RPS6KC1: variants seen among roughly 807,000 people sequenced by gnomAD.
RPS6KC1 encodes the protein ribosomal protein S6 kinase C1, also known as inactive ribosomal protein S6 kinase delta-1.
RPS6KC1 carries 54 observed loss-of-function variants against 103.8 expected under a neutral mutation model. The observed-to-expected ratio is 0.52, with a 90% CI of 0.42 to 0.65. The LOEUF is 0.65. Ranked by LOEUF, RPS6KC1 falls within the 30% of genes least tolerant of loss-of-function variation. The pLI is 0.00. For missense variants in RPS6KC1, 1,151 were observed against 1,253.8 expected (o/e 0.92, Z 1.24); for synonymous variants, 439 against 438.7 (o/e 1.00, Z -0.01).
chr1:213,267,857 CTTAAA>C (rs887046858), intron 14 of RPS6KC1, among the ~76,000 whole-genome samples: 4 of 151,170 alleles, frequency 2.6e-5, no homozygotes, highest in African/African-American at 7.3e-5. Context: ...AATAAATGAA[CTTAAA>C]TTAATAGAAA....
At chr1:213,818,301 G>C in the RPS6KC1 span, 1 of 152,234 alleles carries the variant, frequency 6.6e-6, no homozygotes, top group Non-Finnish European at 1.5e-5. Flanking sequence ...AGCTAGGCAG[G>C]CCTCTTGTGC....
the RPS6KC1 span, among the ~76,000 whole-genome samples, chr1:213,447,497 A>G: frequency 6.6e-6 from 1 of 152,252 alleles, no homozygotes; most frequent in Non-Finnish European, 1.5e-5. Context: ...AATATTTTTA[A>G]GCGGACATTT....
chr1:213,152,224 G>T (rs574726608), intron 6 of RPS6KC1, among the ~76,000 whole-genome samples: 2 of 145,166 alleles, frequency 1.4e-5, no homozygotes, highest in African/African-American at 2.6e-5. Flanking sequence ...CTGGCCGGGC[G>T]GGGGGCTGAT....
the RPS6KC1 span, among the ~76,000 whole-genome samples, chr1:213,409,403 T>C: frequency 6.6e-6 from 1 of 151,972 alleles, no homozygotes; most frequent in African/African-American, 2.4e-5. Flanking sequence ...GGCTCTGTTT[T>C]AGTTGGTTTT....
At chr1:213,370,658 C>T in the RPS6KC1 span, among the ~76,000 whole-genome samples, 6 of 152,286 alleles carry the variant, frequency 3.9e-5, no homozygotes, top group African/African-American at 1.2e-4. Flanking sequence ...TGTTATTAGT[C>T]CCATTCAATA....
the RPS6KC1 span, among the ~76,000 whole-genome samples, chr1:213,713,765 C>T: frequency 6.6e-6 from 1 of 152,168 alleles, no homozygotes; most frequent in Non-Finnish European, 1.5e-5. Context: ...CTGAACCAAG[C>T]AGATGCAGAA....
chr1:213,494,669 G>A, the RPS6KC1 span, among the ~76,000 whole-genome samples: 1 of 152,006 alleles, frequency 6.6e-6, no homozygotes, highest in Non-Finnish European at 1.5e-5. Flanking sequence ...TGGATAACAG[G>A]ATAACAGAGA....
chr1:213,660,930 TC>T, the RPS6KC1 span, among the ~76,000 whole-genome samples: 1 of 152,316 alleles, frequency 6.6e-6, no homozygotes, highest in South Asian at 2.1e-4. Flanking sequence ...ATTTCAGAGA[TC>T]ATTTTGCCTG....
the RPS6KC1 span, among the ~76,000 whole-genome samples, chr1:213,479,750 A>G: frequency 1.3e-5 from 2 of 152,112 alleles, no homozygotes; most frequent in South Asian, 4.1e-4. Flanking sequence ...TTCTTCTAAC[A>G]TTATAGAAAT....
the RPS6KC1 span, among the ~76,000 whole-genome samples, chr1:213,424,342 A>G: frequency 2.0e-5 from 3 of 152,078 alleles, no homozygotes; most frequent in East Asian, 1.9e-4. Context: ...TCCCTTCTCT[A>G]TAAGTACATT....
the RPS6KC1 span, among the ~76,000 whole-genome samples, chr1:213,554,596 C>T: frequency 6.6e-6 from 1 of 152,172 alleles, no homozygotes; most frequent in African/African-American, 2.4e-5. Context: ...ATACCCAGAA[C>T]CTGGAATTCT....
chr1:213,717,415 G>A, the RPS6KC1 span, among the ~76,000 whole-genome samples: 1 of 152,244 alleles, frequency 6.6e-6, no homozygotes, highest in Non-Finnish European at 1.5e-5. Flanking sequence ...ACTTGAGACA[G>A]AGGGAAGAAC....
the RPS6KC1 span, among the ~76,000 whole-genome samples, chr1:213,591,312 G>A: frequency 6.6e-6 from 1 of 152,170 alleles, no homozygotes; most frequent in Non-Finnish European, 1.5e-5. Flanking sequence ...CTTCTTGATT[G>A]CTTATCTTTG....
At chr1:213,086,657 C>A (rs2080428730) in intron 3 of RPS6KC1, among the ~76,000 whole-genome samples, 1 of 151,998 alleles carries the variant, frequency 6.6e-6, no homozygotes, top group Admixed American at 6.6e-5. Flanking sequence ...CTGTCCAGAC[C>A]CTGGCTGCTA....
chr1:213,760,280 T>C, the RPS6KC1 span, among the ~76,000 whole-genome samples: 3 of 152,166 alleles, frequency 2.0e-5, no homozygotes, highest in Admixed American at 6.6e-5. Flanking sequence ...CCACAGCCGC[T>C]GCTTCATTTA....
chr1:213,179,899 A>G (rs961961767), intron 8 of RPS6KC1, among the ~76,000 whole-genome samples: 3 of 152,160 alleles, frequency 2.0e-5, no homozygotes, highest in African/African-American at 4.8e-5. Context: ...ATGAATTGAA[A>G]CTTAATTAAT....
chr1:213,505,958 G>T, the RPS6KC1 span, among the ~76,000 whole-genome samples: 1 of 152,152 alleles, frequency 6.6e-6, no homozygotes, highest in East Asian at 1.9e-4. Context: ...TTTCTGTTTT[G>T]TGTCAGGCCA....
At chr1:213,123,848 A>G (rs2084676479) in intron 5 of RPS6KC1, among the ~76,000 whole-genome samples, 1 of 152,176 alleles carries the variant, frequency 6.6e-6, no homozygotes. Flanking sequence ...TATTTTATAT[A>G]TAGTCACCCA....
At chr1:213,527,878 A>G in the RPS6KC1 span, among the ~76,000 whole-genome samples, 3 of 152,212 alleles carry the variant, frequency 2.0e-5, no homozygotes, top group Non-Finnish European at 4.4e-5. Context: ...TATGTTATAT[A>G]CCATGCTCTT....
Sources: allele counts gnomAD v4.1 joint callset (sites outside exome capture counted in the v4.1 genomes callset), GRCh38; gene constraint gnomAD v4.1.1; transcripts MANE v1.5; gene names NCBI Gene and HGNC (gene_info 2026-07-23, HGNC 2026-07-21).